The following RNF212 variants were observed in gnomAD, a reference collection of about 807,000 sequenced individuals.
The protein encoded by RNF212 is ring finger protein 212.
A neutral mutation model predicts 34.7 loss-of-function variants in RNF212; 33 were observed. That is an observed-to-expected ratio of 0.95 (90% CI 0.72 to 1.27). RNF212 has a LOEUF of 1.27. Ranked by LOEUF, RNF212 falls within the 50% of genes most tolerant of loss-of-function variation. RNF212 has a pLI of 0.00. For missense variants in RNF212, 377 were observed against 362.2 expected (o/e 1.04, Z -0.33); for synonymous variants, 140 against 136.1 (o/e 1.03, Z -0.20).
At position 1,095,123 on chromosome 4, in the gene RNF212, T is replaced by C. The variant is rs567024203; in HGVS notation, c.246+1642A>G. 1.1e-4 allele frequency among the ~76,000 whole-genome samples: 16 copies of C among 149,126 alleles called. No individual in the cohort carries two copies. The South Asian group carries it at 1.5e-3, about 14-fold the overall frequency. On this transcript the variant is annotated intron_variant, in intron 3 of 9. Coordinates refer to ENST00000433731, the MANE Select transcript of RNF212 (RefSeq NM_001131034.4). ...TCCCCACAGCTCCATGGTCTCAGGA[T>C]AGCGCACCTGGCTCATCACAGAACC...
In RNF212 at chr4:1,108,355, C is replaced by G. The variant is rs1553816447; in HGVS notation, c.159G>C (p.Leu53Phe). The stretch of plus-strand genomic sequence containing the variant: ...CATTTCAACTTACATGCTTTGAAAG[C>G]AAAACTGTACGACAAGGAGCTTTAC... Reference protein sequence around the residue: ...LICKAPCRTVLLSKHTDADIQ... With the variant: ...LICKAPCRTVFLSKHTDADIQ... The change falls in exon 2 of 10, where the codon TTG becomes TTC. Residue 53 changes from leucine (L) to phenylalanine (F), a missense_variant. By Grantham distance (22) the Leu-to-Phe change is conservative. Transcript: ENST00000433731. 1.3e-6 allele frequency: 2 copies of G among 1,510,140 alleles called. No homozygotes were observed. Among genetic ancestry groups the G allele is most frequent in the Non-Finnish European group, 1.8e-6 (2 of 1,139,014 alleles). The allele number at this position is 1,510,140 out of a possible 1,614,324, so 93.5% of individuals were successfully genotyped here. A position where few individuals can be genotyped will look rare whatever the true frequency, so the allele number is the denominator to read the frequency against.
chr4:1,079,057 G>A (rs1225164952), intron 8 of RNF212, among the ~76,000 whole-genome samples: 1 of 150,944 alleles, frequency 6.6e-6, no homozygotes, highest in Non-Finnish European at 1.5e-5. Context: ...GTCAACACAG[G>A]ACCAACATGG....
At chr4:1,085,432 T>G (rs1292248727) in intron 5 of RNF212, among the ~76,000 whole-genome samples, 3 of 152,262 alleles carry the variant, frequency 2.0e-5, no homozygotes, top group Admixed American at 1.3e-4. Flanking sequence ...TGTTTCTTCC[T>G]AAGATGCAAC....
intron 2 of RNF212, among the ~76,000 whole-genome samples, chr4:1,105,163 G>A (rs924500976): frequency 1.3e-5 from 2 of 152,204 alleles, no homozygotes; most frequent in Admixed American, 6.5e-5. Context: ...GGGCATCCTC[G>A]TCCTTCACCT....
At chr4:1,108,792 C>G (rs1043097428) in intron 1 of RNF212, among the ~76,000 whole-genome samples, 1 of 152,098 alleles carries the variant, frequency 6.6e-6, no homozygotes, top group Non-Finnish European at 1.5e-5. Flanking sequence ...TTGACACCCC[C>G]GGGCTCAACA....
chr4:1,098,773 T>C (rs892509537), intron 2 of RNF212, among the ~76,000 whole-genome samples: 2 of 152,120 alleles, frequency 1.3e-5, no homozygotes, highest in African/African-American at 4.8e-5. Flanking sequence ...CCATGGCAAG[T>C]AGCAGGTGAC....
chr4:1,099,686 C>T (rs781550525), intron 2 of RNF212: 2 of 456,114 alleles, frequency 4.4e-6, no homozygotes, highest in Non-Finnish European at 4.4e-6. Context: ...CACAATGGTA[C>T]AGTAACGAGG....
At chr4:1,106,404 C>A (rs1197657635) in intron 2 of RNF212, among the ~76,000 whole-genome samples, 1 of 151,936 alleles carries the variant, frequency 6.6e-6, no homozygotes, top group Non-Finnish European at 1.5e-5. Flanking sequence ...ACCCACATAG[C>A]CATATTCTCT....
At chr4:1,088,727 G>A (rs954177620) in intron 4 of RNF212, among the ~76,000 whole-genome samples, 4 of 152,168 alleles carry the variant, frequency 2.6e-5, no homozygotes, top group Non-Finnish European at 2.9e-5. Context: ...CCCAACTCTC[G>A]TGCAGCCTCA....
intron 2 of RNF212, 113 bp from the exon 3 acceptor site, chr4:1,096,952 A>AT: frequency 1.2e-6 from 1 of 810,238 alleles, no homozygotes; most frequent in Non-Finnish European, 2.1e-6. Context: ...TCAAGTGGCC[A>AT]GCACATTGTG....
At chr4:1,078,090 T>G (rs1293555683) in intron 8 of RNF212, among the ~76,000 whole-genome samples, 1 of 152,148 alleles carries the variant, frequency 6.6e-6, no homozygotes, top group African/African-American at 2.4e-5. Flanking sequence ...TGATTACCCA[T>G]GCCACAGGGC....
rs1560114581 is a variant in RNF212 at position 1,081,481 on chromosome 4, G to T, written c.416-14C>A. ...CGTGTGGTTTTGCTGGAAGAGTGAT[G>T]ACGAAAATGCCAGCGTCAGTGCACA... On this transcript the variant is annotated splice_polypyrimidine_tract_variant and intron_variant, in intron 6 of 9. Coordinates refer to ENST00000433731, the MANE Select transcript of RNF212 (RefSeq NM_001131034.4). The T allele has an allele frequency of 6.2e-7, 1 of 1,613,730 alleles. No homozygotes were observed. The highest frequency in any genetic ancestry group is 1.7e-5 in the Admixed American group (1 of 60,018).
intron 9 of RNF212, 136 bp downstream of exon 9, chr4:1,073,463 T>C (rs544934556): frequency 4.0e-6 from 3 of 743,662 alleles, no homozygotes; most frequent in African/African-American, 1.7e-5. Context: ...GGTGAATATG[T>C]AGCCTCCCAT....
At chr4:1,102,809 G>A (rs578081429) in intron 2 of RNF212, among the ~76,000 whole-genome samples, 1 of 151,980 alleles carries the variant, frequency 6.6e-6, no homozygotes, top group South Asian at 2.1e-4. Flanking sequence ...CCAAGACTGC[G>A]CCACTGCACT....
intron 2 of RNF212, among the ~76,000 whole-genome samples, chr4:1,105,762 G>C (rs1465277858): frequency 6.6e-6 from 1 of 152,374 alleles, no homozygotes; most frequent in East Asian, 1.9e-4. Flanking sequence ...CGCAGGTCAG[G>C]GTCAAAGAAG....
chr4:1,067,196 A>C (rs10007978), downstream of RNF212, among the ~76,000 whole-genome samples: 1 of 152,064 alleles, frequency 6.6e-6, no homozygotes, highest in African/African-American at 2.4e-5. Flanking sequence ...TAGGGCTTCA[A>C]CATATGAATT....
At chr4:1,107,038 G>A (rs1333042596) in intron 2 of RNF212, among the ~76,000 whole-genome samples, 1 of 151,896 alleles carries the variant, frequency 6.6e-6, no homozygotes, top group Non-Finnish European at 1.5e-5. Context: ...AAAATATAAT[G>A]TCAACTGAGA....
rs563520389 is a variant in RNF212 at position 1,113,505 on chromosome 4, A to T, written c.-41T>A. On this transcript the variant is annotated 5_prime_UTR_variant, in exon 1 of 10. Coordinates refer to ENST00000433731, the MANE Select transcript of RNF212 (RefSeq NM_001131034.4). ...GCAGCGGCGAGGCCGGGCCCACGCG[A>T]AGCCCACGCAAGGTTGGGACCAGCC... 3 of 1,538,660 alleles carry T rather than the reference A, an allele frequency of 1.9e-6. No individual in the cohort carries two copies. The Admixed American group carries it at 5.2e-5, about 27-fold the overall frequency.
At chr4:1,092,799 C>A (rs1722397396) in intron 3 of RNF212, among the ~76,000 whole-genome samples, 1 of 152,230 alleles carries the variant, frequency 6.6e-6, no homozygotes, top group Non-Finnish European at 1.5e-5. Flanking sequence ...AACTGGGAGG[C>A]CGCGAAGGCC....
Sources: allele counts gnomAD v4.1 joint callset (sites outside exome capture counted in the v4.1 genomes callset), GRCh38; gene constraint gnomAD v4.1.1; transcripts MANE v1.5; gene names NCBI Gene and HGNC (gene_info 2026-07-23, HGNC 2026-07-21).